Variants in PCDHGA2 observed in about 807,000 individuals in gnomAD.
PCDHGA2 encodes the protein protocadherin gamma-A2.
PCDHGA2 carries 40 observed loss-of-function variants against 59.2 expected under a neutral mutation model. That is an observed-to-expected ratio of 0.68 (90% CI 0.52 to 0.88). PCDHGA2 has a LOEUF of 0.88. Ranked by LOEUF, PCDHGA2 falls within the 40% of genes least tolerant of loss-of-function variation. PCDHGA2 has a pLI of 0.00. For missense variants in PCDHGA2, 1,226 were observed against 1,204.0 expected (o/e 1.02, Z -0.27); for synonymous variants, 560 against 526.0 (o/e 1.06, Z -0.89).
chr5:141,497,406 C>T lies in PCDHGA2; in HGVS notation c.2483+2541C>T, dbSNP rs892691245. 1.2e-4 allele frequency among the ~76,000 whole-genome samples: 19 copies of T among 152,174 alleles called. No individual in the cohort carries two copies. The East Asian group carries it at 1.5e-3, about 12-fold the overall frequency. ...AGCACCTTACCCCTGCCTCAACTCC[C>T]ATTCCATCAAATGAGAGGCTTAGTG... On this transcript the variant is annotated intron_variant, in intron 2 of 3. Transcript: ENST00000394576.
chr5:141,426,363 C>T (rs994657779), intron 1 of PCDHGA2: 12 of 202,404 alleles, frequency 5.9e-5, no homozygotes, highest in East Asian at 4.4e-4. Context: ...CTTTGTTCTG[C>T]GGGGCACCCT....
In PCDHGA2 at chr5:141,496,208, G is replaced by T. The variant is rs530974273; in HGVS notation, c.2483+1343G>T. On this transcript the variant is annotated intron_variant, in intron 2 of 3. Coordinates refer to ENST00000394576, the MANE Select transcript of PCDHGA2 (RefSeq NM_018915.4). Reference sequence around the variant, plus strand: ...CCAGCTGCTCATTTCAATCTGGTATGAATTCCTGCTGAGACAGGAACCCCC... The same window carrying T: ...CCAGCTGCTCATTTCAATCTGGTATTAATTCCTGCTGAGACAGGAACCCCC... Among the ~76,000 whole-genome samples, 13 of 152,222 alleles carry T rather than the reference G, an allele frequency of 8.5e-5. No homozygotes were observed. In the East Asian group the frequency reaches 2.3e-3, roughly 27 times the overall value.
intron 1 of PCDHGA2, among the ~76,000 whole-genome samples, chr5:141,450,814 A>C (rs990515429): frequency 1.5e-5 from 2 of 136,790 alleles, no homozygotes; most frequent in Non-Finnish European, 3.1e-5. Context: ...TTATTTATTT[A>C]ATATTATTAT....
Position 141,485,870 on chromosome 5 carries a change from C to T in PCDHGA2, c.2425-8937C>T. The stretch of plus-strand genomic sequence containing the variant: ...CACCGCAGAGCTCCGGGTATCCGTG[C>T]TGGACGTAAACGACAACGCCCCAGC... On this transcript the variant is annotated intron_variant, in intron 1 of 3. Coordinates refer to ENST00000394576, the MANE Select transcript of PCDHGA2 (RefSeq NM_018915.4). This position sits in a 1 kb window ranked among gnomAD's most constrained non-coding sequence, Gnocchi z 5.7. 6.2e-7 allele frequency: 1 copy of T among 1,614,174 alleles called. No homozygotes were observed. The highest frequency in any genetic ancestry group is 8.5e-7 in the Non-Finnish European group (1 of 1,180,032).
At chr5:141,349,790 GA>G (rs1214644690) in intron 1 of PCDHGA2, among the ~76,000 whole-genome samples, 3 of 151,966 alleles carry the variant, frequency 2.0e-5, no homozygotes, top group Admixed American at 6.6e-5. Flanking sequence ...AATCACTGAA[GA>G]TTTTTTTTTA....
In PCDHGA2 at chr5:141,511,161, G is replaced by A; in HGVS notation, c.2787G>A (p.Lys929=). 1 of 1,614,176 alleles carries A rather than the reference G, an allele frequency of 6.2e-7. No individual in the cohort carries two copies. The highest frequency in any genetic ancestry group is 8.5e-7 in the Non-Finnish European group (1 of 1,180,010). ...GNGNKKKSGK[K]EKK ...GCAACAAGAAGAAGTCGGGCAAGAA[G>A]GAGAAGAAGTAACATGGAGGCCAGG... Residue 929 remains lysine, a synonymous_variant, in exon 4 of 4, where the codon AAG becomes AAA. Transcript: ENST00000394576.
intron 1 of PCDHGA2, among the ~76,000 whole-genome samples, chr5:141,446,727 A>G (rs546345866): frequency 6.6e-6 from 1 of 152,258 alleles, no homozygotes; most frequent in African/African-American, 2.4e-5. Context: ...TCGGCCTCCC[A>G]AAGTGTGGGG....
At chr5:141,343,248 A>G (rs897599390) in intron 1 of PCDHGA2, 1 of 927,050 alleles carries the variant, frequency 1.1e-6, no homozygotes, top group African/African-American at 1.8e-5. Context: ...AAATATCGAA[A>G]CTAAGTTATC....
intron 1 of PCDHGA2, chr5:141,383,672 G>A: frequency 6.2e-7 from 1 of 1,614,030 alleles, no homozygotes; most frequent in Non-Finnish European, 8.5e-7. Flanking sequence ...GTGCCAGTGG[G>A]TACAAGACTG....
rs202183643 is a variant in PCDHGA2 at position 141,490,646 on chromosome 5, C to T, written c.2425-4161C>T. 9 of 1,614,186 alleles carry T rather than the reference C, an allele frequency of 5.6e-6. No homozygotes were observed. Among genetic ancestry groups the T allele is most frequent in the African/African-American group, 2.7e-5 (2 of 75,054 alleles). ...GCTTACATCCTAGAAAACCGGCCTC[C>T]GGGCTCCCTTCTTTGCACTGTGGCT... On this transcript the variant is annotated intron_variant, in intron 1 of 3. Transcript: ENST00000394576. The surrounding 1 kb of genome is among the most constrained non-coding windows in gnomAD (Gnocchi z 5.4).
chr5:141,339,535 G>T lies in PCDHGA2; in HGVS notation c.564G>T (p.Gly188=). The T allele has an allele frequency of 6.2e-7, 1 of 1,614,198 alleles. No individual in the cohort carries two copies. The highest frequency in any genetic ancestry group is 8.5e-7 in the Non-Finnish European group (1 of 1,180,036). The change falls in exon 1 of 4, where the codon GGG becomes GGT. Residue 188 remains glycine, a synonymous_variant. Coordinates refer to ENST00000394576, the MANE Select transcript of PCDHGA2 (RefSeq NM_018915.4). ...FSLDVRRGAD[G]NKYPELVLER... ...TGGACGTGCGAAGGGGAGCTGATGG[G>T]AACAAGTACCCAGAACTGGTGCTGG...
At chr5:141,418,478 G>T (rs777772131) in intron 1 of PCDHGA2, 1 of 1,613,858 alleles carries the variant, frequency 6.2e-7, no homozygotes, top group Non-Finnish European at 8.5e-7. Flanking sequence ...AACGCAGAGC[G>T]CTCACCACTT....
At chr5:141,403,270 T>C (rs1284833810) in intron 1 of PCDHGA2, 2 of 1,613,770 alleles carry the variant, frequency 1.2e-6, no homozygotes, top group African/African-American at 1.3e-5. Flanking sequence ...TGGTGAACTT[T>C]AAAGTCCTGG....
chr5:141,415,866 T>A, intron 1 of PCDHGA2: 1 of 1,115,266 alleles, frequency 9.0e-7, no homozygotes, highest in Non-Finnish European at 1.2e-6. Context: ...GTTTATAGTG[T>A]TGTTGAGTAC....
chr5:141,443,309 C>T (rs2098379780), intron 1 of PCDHGA2, among the ~76,000 whole-genome samples: 1 of 131,436 alleles, frequency 7.6e-6, no homozygotes, highest in African/African-American at 3.4e-5. Flanking sequence ...GGCAAAAACC[C>T]ATCTCTACAA....
chr5:141,502,373 C>A (rs2099813965), intron 2 of PCDHGA2, among the ~76,000 whole-genome samples: 1 of 151,806 alleles, frequency 6.6e-6, no homozygotes, highest in African/African-American at 2.4e-5. Context: ...TTAAAGAGTC[C>A]AGGCCAGTTG....
intron 1 of PCDHGA2, among the ~76,000 whole-genome samples, chr5:141,483,201 C>A (rs2099578254): frequency 6.6e-6 from 1 of 152,108 alleles, no homozygotes; most frequent in Non-Finnish European, 1.5e-5. Context: ...TTATTTTATT[C>A]CATATAGATG....
chr5:141,422,916 C>T, intron 1 of PCDHGA2: 1 of 1,614,260 alleles, frequency 6.2e-7, no homozygotes, highest in Non-Finnish European at 8.5e-7. Context: ...CGCCCGAGAT[C>T]CTGTACCCTG....
chr5:141,450,253 A>G (rs1025385837), intron 1 of PCDHGA2, among the ~76,000 whole-genome samples: 1 of 152,020 alleles, frequency 6.6e-6, no homozygotes, highest in African/African-American at 2.4e-5. Flanking sequence ...CCTGACCTCA[A>G]GTGATCTGCC....
Sources: gnomAD v4.1 joint callset for allele counts (sites outside exome capture counted in the v4.1 genomes callset) on GRCh38, gnomAD v4.1.1 for gene constraint, Gnocchi (gnomAD v3.1) non-coding constraint, MANE v1.5 for transcripts, NCBI Gene and HGNC (gene_info 2026-07-23, HGNC 2026-07-21) for gene names.